The following CLPTM1L variants were observed in gnomAD, a reference collection of about 807,000 sequenced individuals.
CLPTM1L encodes lipid scramblase CLPTM1L.
A neutral mutation model predicts 70.9 loss-of-function variants in CLPTM1L; 38 were observed. That is an observed-to-expected ratio of 0.54 (90% CI 0.41 to 0.70). The LOEUF (loss-of-function observed/expected upper bound fraction) is 0.70. Among genes scored for constraint, CLPTM1L ranks in the 30% least tolerant of loss-of-function variants. The pLI is 0.00. For missense variants in CLPTM1L, 652 were observed against 705.9 expected, an observed-to-expected ratio of 0.92 and a Z score of 0.87; for synonymous variants, 339 against 299.9, an observed-to-expected ratio of 1.13 and a Z score of -1.35.
rs1579621483 is a variant in CLPTM1L, at chr5:1,323,846, C to T, written c.1221G>A (p.Leu407=). 3.7e-6 allele frequency: 6 copies of T among 1,613,784 alleles called. No homozygotes were observed. In the East Asian group the frequency reaches 1.1e-4, roughly 30 times the overall value. ...CACCCCCGACACAGAGAGGGTACAG[C>T]AGGTATGACAAGTACTTCATGGCCT... is the stretch of plus-strand genomic sequence containing the variant. ...DTQAMKYLSY[L]LYPLCVGGAV... The change falls in exon 12 of 17, where the codon CTG becomes CTA. Residue 407 remains leucine, a synonymous_variant. Transcript: ENST00000320895.
chr5:1,322,367 T>C (rs184268979), intron 13 of CLPTM1L, among the ~76,000 whole-genome samples: 6 of 152,208 alleles, frequency 3.9e-5, no homozygotes, highest in Non-Finnish European at 5.9e-5. Flanking sequence ...TCCCAGGACA[T>C]GTGGCCCCGA....
At chr5:1,325,443 C>T (rs1420732597) in intron 10 of CLPTM1L, 4 of 454,264 alleles carry the variant, frequency 8.8e-6, no homozygotes, top group Non-Finnish European at 1.2e-5. Context: ...CTCGGGAGCG[C>T]CTCTGGACAA....
Position 1,318,183 on chromosome 5 carries a change from G to A in CLPTM1L, c.*186C>T, listed in dbSNP as rs544920712. 11 of 601,276 alleles carry A rather than the reference G, an allele frequency of 1.8e-5. No individual in the cohort carries two copies. The highest frequency in any genetic ancestry group is 1.7e-4 in the East Asian group (6 of 35,850). 37.2% of individuals were successfully genotyped at this position (601,276 alleles called of 1,614,324 possible). ...CTGTGACCAAGACAGATGTTCACAC[G>A]TGGGGGCATCGTAAGCGCTACCAGC... is the stretch of plus-strand genomic sequence containing the variant. On this transcript the variant is annotated 3_prime_UTR_variant, in exon 17 of 17. Coordinates refer to ENST00000320895, the MANE Select transcript of CLPTM1L (RefSeq NM_030782.5). This position sits in a 1 kb window ranked among gnomAD's most constrained non-coding sequence, Gnocchi z 8.9.
At chr5:1,338,831 C>A in intron 4 of CLPTM1L, 29 bp downstream of exon 4, 1 of 1,611,660 alleles carries the variant, frequency 6.2e-7, no homozygotes, top group Non-Finnish European at 8.5e-7. Flanking sequence ...ACCCTCCCCC[C>A]GGCGCTCCAG....
Position 1,318,116 on chromosome 5 carries a change from C to T in CLPTM1L, c.*253G>A. The T allele has an allele frequency of 2.0e-6, 1 of 511,658 alleles. No individual in the cohort carries two copies. Among genetic ancestry groups the T allele is most frequent in the Non-Finnish European group, 3.4e-6 (1 of 290,896 alleles). 31.7% of individuals were successfully genotyped at this position (511,658 alleles called of 1,614,324 possible). A position where few individuals can be genotyped will look rare whatever the true frequency, so the allele number is the denominator to read the frequency against. On this transcript the variant is annotated 3_prime_UTR_variant, in exon 17 of 17. Transcript: ENST00000320895. This position sits in a 1 kb window ranked among gnomAD's most constrained non-coding sequence, Gnocchi z 8.9. ...TGGCCGAACCCCGGACACTCGTGTG[C>T]CGGGAGCCACCACAGCTCAAGGTGA...
chr5:1,334,036 A>AGG (rs1390130304), intron 7 of CLPTM1L, among the ~76,000 whole-genome samples: 3 of 152,154 alleles, frequency 2.0e-5, no homozygotes, highest in Non-Finnish European at 4.4e-5. Flanking sequence ...CCCCAAAGCC[A>AGG]GCACAGCCCA....
rs1337097836 is a variant in CLPTM1L at position 1,341,909 on chromosome 5, T to C, written c.264-49A>G. 4.8e-6 allele frequency: 7 copies of C among 1,444,626 alleles called. No individual in the cohort carries two copies. The South Asian group carries it at 8.7e-5, about 18-fold the overall frequency. 89.5% of individuals were successfully genotyped at this position (1,444,626 alleles called of 1,614,324 possible). A position where few individuals can be genotyped will look rare whatever the true frequency, so the allele number is the denominator to read the frequency against. ...CTACATACATATTATATTCTGGGTC[T>C]CTAGAACCTATTCAAATACCTTTAT... On this transcript the variant is annotated intron_variant, in intron 2 of 16. Transcript: ENST00000320895.
chr5:1,320,548 T>A, intron 16 of CLPTM1L, 68 bp downstream of exon 16: 2 of 829,088 alleles, frequency 2.4e-6, no homozygotes, highest in Non-Finnish European at 3.6e-6. Flanking sequence ...GTGAAAGCCG[T>A]CATTCCGTTC....
Position 1,322,838 on chromosome 5 carries a change from G to A in CLPTM1L, c.1315+39C>T, listed in dbSNP as rs1286092451. 2.5e-6 allele frequency: 4 copies of A among 1,604,524 alleles called. No individual in the cohort carries two copies. In the African/African-American group the frequency reaches 4.0e-5, roughly 16 times the overall value. ...AGAACAATTAAATCGCTGCCTGCTGGAAACACTAGTACTGAAGCAGGGAAG... is the reference window on the plus strand; with the variant it reads ...AGAACAATTAAATCGCTGCCTGCTGAAAACACTAGTACTGAAGCAGGGAAG... On this transcript the variant is annotated intron_variant, in intron 13 of 16. Transcript: ENST00000320895.
intron 12 of CLPTM1L, 102 bp from the exon 13 acceptor site, chr5:1,323,013 C>G (rs1049661687): frequency 2.5e-6 from 3 of 1,177,708 alleles, no homozygotes; most frequent in Non-Finnish European, 3.8e-6. Context: ...TCTGAAAATA[C>G]CCAGATGCTC....
rs140835285 is a variant in CLPTM1L at position 1,324,515 on chromosome 5, A to C, written c.1197+248T>G. On this transcript the variant is annotated intron_variant, in intron 11 of 16. Transcript: ENST00000320895. ...GCGAATGTGACTTACAAACGATGAA[A>C]ATATCCCTACTATACGGTGACACAG... Among the ~76,000 whole-genome samples, 38 of 152,346 alleles carry C rather than the reference A, an allele frequency of 2.5e-4. 1 individual carries two copies. The highest frequency in any genetic ancestry group is 2.8e-4 in the Non-Finnish European group (19 of 68,034).
chr5:1,331,617 C>T, intron 8 of CLPTM1L, 182 bp downstream of exon 8: 6 of 612,076 alleles, frequency 9.8e-6, no homozygotes, highest in Admixed American at 8.6e-5. Flanking sequence ...GATGGTCCCA[C>T]CACAATTGCC....
In CLPTM1L at chr5:1,325,919, C is replaced by T. The variant is rs13156683; in HGVS notation, c.1081-103G>A. On this transcript the variant is annotated intron_variant, in intron 9 of 16. Transcript: ENST00000320895. ...GGGTAGGACCTGCTGCCCATGGCCC[C>T]GCGCAGCCCACTGTCCTCTTCCTGT... 5,363 of 931,002 alleles carry T rather than the reference C, an allele frequency of 5.8e-3. 27 individuals carry two copies. The highest frequency in any genetic ancestry group is 7.1e-3 in the Non-Finnish European group (4,136 of 581,118). 57.7% of individuals were successfully genotyped at this position (931,002 alleles called of 1,614,324 possible). A position where few individuals can be genotyped will look rare whatever the true frequency, so the allele number is the denominator to read the frequency against.
rs577703342 is a variant in CLPTM1L, at chr5:1,331,981, G to T, written c.892-98C>A. On this transcript the variant is annotated intron_variant, in intron 7 of 16. Coordinates refer to ENST00000320895, the MANE Select transcript of CLPTM1L (RefSeq NM_030782.5). ...TTCGTGTGTGACCGTGAGACTGCAG[G>T]TGTACTCAGCCTCAGGATGCATCAG... 68 of 963,942 alleles carry T rather than the reference G, an allele frequency of 7.1e-5. 1 individual carries two copies. In the South Asian group the frequency reaches 9.1e-4, roughly 13 times the overall value. The allele number at this position is 963,942 out of a possible 1,614,324, so 59.7% of individuals were successfully genotyped here.
chr5:1,326,619 T>C (rs1235582780), intron 9 of CLPTM1L, among the ~76,000 whole-genome samples: 2 of 150,950 alleles, frequency 1.3e-5, no homozygotes, highest in Non-Finnish European at 3.0e-5. Flanking sequence ...TACAGACACA[T>C]TTCATCCAGC....
chr5:1,331,870 A>G lies in CLPTM1L; in HGVS notation c.905T>C (p.Phe302Ser). The change falls in exon 8 of 17, where the codon TTC becomes TCC. Residue 302 changes from phenylalanine (F) to serine (S), a missense_variant. Around this residue, in one of 3 missense-constraint regions of CLPTM1L, gnomAD observed 402 missense variants for 388.2 expected, o/e 1.04. Coordinates refer to ENST00000320895, the MANE Select transcript of CLPTM1L (RefSeq NM_030782.5). Reference sequence around the variant, plus strand: ...ACTGATGTCATTTTTAAAGGCCAGGAAATCAAAGAGAAGCTAGAGAGAACA... The same window carrying G: ...ACTGATGTCATTTTTAAAGGCCAGGGAATCAAAGAGAAGCTAGAGAGAACA... ...FVAAFHLLFD[F>S]LAFKNDISFW... 1 of 1,613,430 alleles carries G rather than the reference A, an allele frequency of 6.2e-7. No individual in the cohort carries two copies. Among genetic ancestry groups the G allele is most frequent in the Non-Finnish European group, 8.5e-7 (1 of 1,179,938 alleles).
rs550508447 is a variant in CLPTM1L, at chr5:1,345,058, G to T, written c.-217C>A. On this transcript the variant is annotated 5_prime_UTR_variant, in exon 1 of 17. Transcript: ENST00000320895. ...CCCACCTGGCGCCGCGGGATTCGCC[G>T]GCCCCGCGCGCCGCTTCCGGGCCCC... 10 of 160,890 alleles carry T rather than the reference G, an allele frequency of 6.2e-5. No homozygotes were observed. The South Asian group carries it at 1.8e-3, about 29-fold the overall frequency. 10.0% of individuals were successfully genotyped at this position (160,890 alleles called of 1,614,324 possible).
chr5:1,323,706 T>G (rs536502800), intron 12 of CLPTM1L, 81 bp downstream of exon 12: 1 of 1,259,828 alleles, frequency 7.9e-7, no homozygotes, highest in South Asian at 1.2e-5. Flanking sequence ...TGCCCTCCAG[T>G]CGCACCCCGC....
intron 10 of CLPTM1L, 22 bp from the exon 11 acceptor site, chr5:1,324,835 T>C: frequency 1.2e-6 from 2 of 1,608,974 alleles, no homozygotes; most frequent in Non-Finnish European, 8.5e-7. Context: ...TTCAACACAG[T>C]GATATTAATA....
Sources: gnomAD v4.1 joint callset for allele counts (sites outside exome capture counted in the v4.1 genomes callset) on GRCh38, gnomAD v4.1.1 for gene constraint, gnomAD v4.1.1 regional missense constraint, Gnocchi (gnomAD v3.1) non-coding constraint, MANE v1.5 for transcripts, NCBI Gene and HGNC (gene_info 2026-07-23, HGNC 2026-07-21) for gene names.